Variants in PTPRK observed in about 807,000 individuals in gnomAD.
PTPRK encodes receptor-type tyrosine-protein phosphatase kappa.
PTPRK carries 75 observed loss-of-function variants against 178.0 expected under a neutral mutation model. That is an observed-to-expected ratio of 0.42 (90% CI 0.35 to 0.51). The LOEUF is 0.51. PTPRK is among the 20% of genes least tolerant of loss of function. The pLI is 0.02. For synonymous variants in PTPRK, 637 were observed against 620.6 expected (o/e 1.03, Z -0.39); for missense variants, 1,441 against 1,797.8 (o/e 0.80, Z 3.59).
chr6:128,253,083 T>C (rs563729321), intron 3 of PTPRK, among the ~76,000 whole-genome samples: 2 of 152,198 alleles, frequency 1.3e-5, no homozygotes, highest in South Asian at 2.1e-4. Context: ...CCAATTCCAA[T>C]ATAGGCAGAC....
intron 6 of PTPRK, among the ~76,000 whole-genome samples, chr6:128,192,057 T>C (rs1803896838): frequency 6.6e-6 from 1 of 152,120 alleles, no homozygotes; most frequent in African/African-American, 2.4e-5. Flanking sequence ...TATCAAGAAA[T>C]AGATATGTGT....
chr6:128,437,341 T>C (rs931017129), intron 1 of PTPRK, among the ~76,000 whole-genome samples: 7 of 152,198 alleles, frequency 4.6e-5, no homozygotes, highest in African/African-American at 1.7e-4. Context: ...AACCTATTTA[T>C]ATAAGCAAGC....
intron 7 of PTPRK, among the ~76,000 whole-genome samples, chr6:128,170,130 C>T (rs1347135213): frequency 2.0e-5 from 3 of 151,774 alleles, no homozygotes; most frequent in Non-Finnish European, 4.4e-5. Context: ...TTTTGAATAA[C>T]ACAAAGCCTA....
At chr6:128,134,587 G>A (rs150265591) in intron 7 of PTPRK, among the ~76,000 whole-genome samples, 2 of 152,112 alleles carry the variant, frequency 1.3e-5, no homozygotes, top group African/African-American at 2.4e-5. Flanking sequence ...GAGGCAGGCT[G>A]ACCACTTGAG....
intron 1 of PTPRK, among the ~76,000 whole-genome samples, chr6:128,506,183 T>C (rs1206747472): frequency 6.6e-6 from 1 of 152,210 alleles, no homozygotes; most frequent in Non-Finnish European, 1.5e-5. Context: ...TCTTATCTTG[T>C]TGATTAATTC....
At chr6:128,270,043 T>C (rs985537351) in intron 3 of PTPRK, among the ~76,000 whole-genome samples, 2 of 152,110 alleles carry the variant, frequency 1.3e-5, no homozygotes, top group African/African-American at 4.8e-5. Context: ...ATTATCCTTA[T>C]CCCATAATAG....
In PTPRK at chr6:128,381,864, TC is replaced by T. The variant is rs1417935942; in HGVS notation, c.223+15701del. ...AAACGGAAGTTTAGACTAGAGATAA[TC>T]TATAGAGTCTCTTTCAGATTTAACA... On this transcript the variant is annotated intron_variant, in intron 2 of 29. Transcript: ENST00000368226. 3.3e-5 allele frequency among the ~76,000 whole-genome samples: 5 copies of T among 152,142 alleles called. No individual in the cohort carries two copies. The East Asian group carries it at 9.6e-4, about 29-fold the overall frequency.
chr6:128,100,203 A>G (rs1211907719), intron 7 of PTPRK, among the ~76,000 whole-genome samples: 1 of 152,018 alleles, frequency 6.6e-6, no homozygotes, highest in Admixed American at 6.6e-5. Flanking sequence ...GCTTCAGCTC[A>G]TTTGTAAATT....
intron 3 of PTPRK, among the ~76,000 whole-genome samples, chr6:128,318,826 C>T (rs1014896323): frequency 2.6e-5 from 4 of 152,122 alleles, no homozygotes; most frequent in South Asian, 2.1e-4. Flanking sequence ...ATGGAGATGA[C>T]ACCTAAGGAT....
intron 1 of PTPRK, among the ~76,000 whole-genome samples, chr6:128,400,321 A>G (rs891409269): frequency 1.3e-5 from 2 of 152,180 alleles, no homozygotes; most frequent in Non-Finnish European, 2.9e-5. Flanking sequence ...GAATAAAACT[A>G]GAGGAAAAGC....
At chr6:128,468,940 AC>A (rs1297626879) in intron 1 of PTPRK, among the ~76,000 whole-genome samples, 6 of 151,222 alleles carry the variant, frequency 4.0e-5, no homozygotes, top group South Asian at 2.1e-4. Flanking sequence ...AAAAAAAAAA[AC>A]CTTAATGTAT....
At chr6:128,143,479 T>C (rs1375040556) in intron 7 of PTPRK, among the ~76,000 whole-genome samples, 1 of 152,202 alleles carries the variant, frequency 6.6e-6, no homozygotes, top group African/African-American at 2.4e-5. Flanking sequence ...AGTCTGAAAA[T>C]GAGGCTTTCT....
chr6:128,501,209 T>C (rs1293162015), intron 1 of PTPRK: 2 of 152,210 alleles, frequency 1.3e-5, no homozygotes, highest in African/African-American at 2.4e-5. Context: ...AAGTTTGGAA[T>C]GCTTCCAAAT....
intron 2 of PTPRK, among the ~76,000 whole-genome samples, chr6:128,333,983 G>T (rs936806652): frequency 6.6e-6 from 1 of 152,128 alleles, no homozygotes; most frequent in Non-Finnish European, 1.5e-5. Flanking sequence ...CAATATTGTT[G>T]TGTCTCAGAG....
chr6:127,992,495 T>G (rs1466598632), intron 19 of PTPRK, among the ~76,000 whole-genome samples, 178 bp downstream of exon 19: 1 of 151,702 alleles, frequency 6.6e-6, no homozygotes. Flanking sequence ...AAGCTTAAAT[T>G]TATATAAGCT....
At chr6:128,161,486 TCTA>T (rs1393655403) in intron 7 of PTPRK, among the ~76,000 whole-genome samples, 2 of 151,654 alleles carry the variant, frequency 1.3e-5, no homozygotes. Flanking sequence ...AAGAAAGTAA[TCTA>T]CTGTTCTCTG....
At chr6:128,003,570 T>C (rs1206348554) in intron 15 of PTPRK, among the ~76,000 whole-genome samples, 1 of 151,840 alleles carries the variant, frequency 6.6e-6, no homozygotes, top group Non-Finnish European at 1.5e-5. Flanking sequence ...TCATTCCAAA[T>C]AATTTTTTTC....
chr6:128,005,031 CAA>C, intron 15 of PTPRK, 51 bp downstream of exon 15: 1 of 1,482,020 alleles, frequency 6.7e-7, no homozygotes. Flanking sequence ...GTGTAGAATT[CAA>C]AGTGAAATGA....
intron 2 of PTPRK, among the ~76,000 whole-genome samples, chr6:128,350,519 G>A (rs1013726884): frequency 6.6e-6 from 1 of 152,160 alleles, no homozygotes; most frequent in Admixed American, 6.6e-5. Context: ...ATCCAGTAAT[G>A]AGTATGCTAG....
Sources: allele counts gnomAD v4.1 joint callset (sites outside exome capture counted in the v4.1 genomes callset), GRCh38; gene constraint gnomAD v4.1.1; transcripts MANE v1.5; gene names NCBI Gene and HGNC (gene_info 2026-07-23, HGNC 2026-07-21).